EXOC7: variants seen among roughly 807,000 people sequenced by gnomAD.
EXOC7 encodes the protein exocyst complex component Exo70.
Under a neutral mutation model 87.6 loss-of-function variants are expected in EXOC7, and 51 were observed. The ratio of observed to expected loss-of-function variants is 0.58; its 90% CI spans 0.46 to 0.73. EXOC7 has a LOEUF of 0.73. EXOC7 is among the 30% of genes least tolerant of loss of function. The pLI, the probability that EXOC7 is intolerant of heterozygous loss-of-function variation, is 0.00. For synonymous variants in EXOC7, 327 were observed against 357.1 expected (o/e 0.92, Z 0.95); for missense variants, 744 against 888.4 (o/e 0.84, Z 2.07).
rs749143994 is a variant in EXOC7 at position 76,097,935 on chromosome 17, G to A, written c.501C>T (p.Pro167=). ...LMTRHSKVVS[P]VLILDLISGD... is the part of the protein sequence containing the mutation. ...CACTGATCAGATCCAAGATGAGCAC[G>A]GGCGAGACGACCTTACTGTGCCGCG... The change falls in exon 5 of 19, where the codon CCC becomes CCT. Residue 167 remains proline (P), a synonymous_variant. Transcript: ENST00000589210. 15 of 1,613,892 alleles carry A rather than the reference G, an allele frequency of 9.3e-6. No individual in the cohort carries two copies. The Middle Eastern group carries it at 4.9e-4, about 53-fold the overall frequency.
rs1323648758 is a variant in EXOC7 at position 76,087,190 on chromosome 17, C to T, written c.1429+464G>A. 7.1e-6 allele frequency: 3 copies of T among 422,990 alleles called. No homozygotes were observed. In the East Asian group the frequency reaches 1.5e-4, roughly 21 times the overall value. 26.2% of individuals were successfully genotyped at this position (422,990 alleles called of 1,614,324 possible). A position where few individuals can be genotyped will look rare whatever the true frequency, so the allele number is the denominator to read the frequency against. ...AGGGACCTCAGTGCTTGGAATGACCCAGAAAGGTGCTCTTGCTTACAGGCC... is the reference window on the plus strand; with the variant it reads ...AGGGACCTCAGTGCTTGGAATGACCTAGAAAGGTGCTCTTGCTTACAGGCC... On this transcript the variant is annotated intron_variant, in intron 12 of 18. Transcript: ENST00000589210.
intron 6 of EXOC7, 62 bp downstream of exon 6, chr17:76,094,352 A>G: frequency 6.5e-7 from 1 of 1,529,612 alleles, no homozygotes; most frequent in Non-Finnish European, 8.8e-7. Context: ...AGATTGGACT[A>G]AAGCAGTACA....
rs377387637 is a variant in EXOC7, at chr17:76,091,226, C to T, written c.818G>A (p.Arg273His). ...KKPVKRPGTI[R>H]KAQNLLKQYS... Reference sequence around the variant, plus strand: ...CTGTTTCAGAAGGTTCTGAGCCTTACGGATCGTCCCTGTCACCAGAGCCAC... The same window carrying T: ...CTGTTTCAGAAGGTTCTGAGCCTTATGGATCGTCCCTGTCACCAGAGCCAC... Residue 273 changes from arginine (R) to histidine (H), a missense_variant, in exon 7 of 19, where the codon CGT (arginine) becomes CAT (histidine). Physicochemically the swap from Arg to His is conservative, Grantham distance 29. This residue lies in a region of EXOC7 where 512 missense variants were observed against 573.0 expected (regional missense o/e 0.89). Transcript: ENST00000589210. The T allele has an allele frequency of 6.2e-6, 10 of 1,613,946 alleles. No homozygotes were observed. The highest frequency in any genetic ancestry group is 2.7e-5 in the African/African-American group (2 of 74,876).
At chr17:76,100,920 G>A (rs1199006384) in intron 4 of EXOC7, 5 of 160,370 alleles carry the variant, frequency 3.1e-5, no homozygotes, top group Non-Finnish European at 6.7e-5. Context: ...GGCAGAGGTT[G>A]CAGTGAGCTG....
intron 7 of EXOC7, chr17:76,090,608 C>G: frequency 1.2e-6 from 1 of 847,644 alleles, no homozygotes; most frequent in South Asian, 1.7e-5. Context: ...AGTGAGCACC[C>G]AGGACCGTCC....
intron 8 of EXOC7, 68 bp downstream of exon 8, chr17:76,089,107 G>C: frequency 6.3e-7 from 1 of 1,597,402 alleles, no homozygotes; most frequent in Non-Finnish European, 8.5e-7. Context: ...TGGAGTTGAG[G>C]GCTGCAAGAG....
intron 7 of EXOC7, chr17:76,090,622 G>C: frequency 1.3e-6 from 1 of 745,670 alleles, no homozygotes; most frequent in South Asian, 1.9e-5. Flanking sequence ...ACCGTCCTTA[G>C]CTGCTCATTT....
Position 76,086,106 on chromosome 17 carries a change from C to T in EXOC7, c.1469G>A (p.Ser490Asn). ...GATATAGGTGCTTAGCAGCCGCTTG[C>T]TGAACTCAGAGCTGTAGCTGGTGGC... ...SSATSYSSEF[S>N]KRLLSTYICK... The change falls in exon 13 of 19, where the codon AGC (serine) becomes AAC (asparagine). Residue 490 changes from serine (S) to asparagine (N), a missense_variant. By Grantham distance (46) the Ser-to-Asn change is conservative (BLOSUM62 1). Around this residue, in one of 3 missense-constraint regions of EXOC7, gnomAD observed 228 missense variants for 298.6 expected, o/e 0.76. Coordinates refer to ENST00000589210, the MANE Select transcript of EXOC7 (RefSeq NM_001013839.4). The T allele has an allele frequency of 6.2e-6, 10 of 1,613,892 alleles. No individual in the cohort carries two copies. The highest frequency in any genetic ancestry group is 8.5e-6 in the Non-Finnish European group (10 of 1,180,036).
chr17:76,090,262 A>G, intron 7 of EXOC7: 13 of 1,510,916 alleles, frequency 8.6e-6, no homozygotes, highest in Non-Finnish European at 1.2e-5. Context: ...AGGCAGGAGC[A>G]GGCCATCCGG....
chr17:76,084,966 G>A, intron 15 of EXOC7: 1 of 449,502 alleles, frequency 2.2e-6, no homozygotes, highest in Non-Finnish European at 4.0e-6. Flanking sequence ...GAAGCAGCGG[G>A]ATCCTCACAG....
At position 76,082,405 on chromosome 17, in the gene EXOC7, C is replaced by G; in HGVS notation, c.*1243G>C. 3 of 1,506,942 alleles carry G rather than the reference C, an allele frequency of 2.0e-6. No homozygotes were observed. The highest frequency in any genetic ancestry group is 2.7e-6 in the Non-Finnish European group (3 of 1,118,630). The allele number at this position is 1,506,942 out of a possible 1,614,324, so 93.3% of individuals were successfully genotyped here. A position where few individuals can be genotyped will look rare whatever the true frequency, so the allele number is the denominator to read the frequency against. Reference sequence around the variant, plus strand: ...CTGATGACCCCTGGGGTTCGCTCTTCCGCTCATGTTGAGGGGACCTTGAAG... The same window carrying G: ...CTGATGACCCCTGGGGTTCGCTCTTGCGCTCATGTTGAGGGGACCTTGAAG... On this transcript the variant is annotated 3_prime_UTR_variant, in exon 19 of 19. Transcript: ENST00000589210.
rs1375610792 is a variant in EXOC7, at chr17:76,090,708, G to C, written c.901+435C>G. On this transcript the variant is annotated intron_variant, in intron 7 of 18. Transcript: ENST00000589210. ...AAGAGCTGATGCTTGGCCCCAGGGG[G>C]GTTCCCCACCTCGCTGTATTTGGGG... The C allele has an allele frequency of 5.2e-6, 3 of 576,806 alleles. No individual in the cohort carries two copies. In the Admixed American group the frequency reaches 9.3e-5, roughly 18 times the overall value. The allele number at this position is 576,806 out of a possible 1,614,324, so 35.7% of individuals were successfully genotyped here.
chr17:76,084,636 G>A (rs756886950), intron 15 of EXOC7, 56 bp from the exon 16 acceptor site: 4 of 1,529,562 alleles, frequency 2.6e-6, no homozygotes, highest in East Asian at 4.5e-5. Flanking sequence ...CAGTGGCCTG[G>A]CTTGTTTCGT....
At chr17:76,089,048 G>T in intron 8 of EXOC7, 125 bp from the exon 9 acceptor site, 1 of 1,485,846 alleles carries the variant, frequency 6.7e-7, no homozygotes, top group South Asian at 1.2e-5. Context: ...GGGAGGTGGT[G>T]AGCGTCCACC....
At position 76,088,768 on chromosome 17, in the gene EXOC7, T is replaced by C. The variant is rs1330641049; in HGVS notation, c.1200+3A>G. 2 of 1,613,314 alleles carry C rather than the reference T, an allele frequency of 1.2e-6. No individual in the cohort carries two copies. Among genetic ancestry groups the C allele is most frequent in the South Asian group, 1.1e-5 (1 of 91,058 alleles). ...TGTTTTTGAGGGCCCCTCGCCCACA[T>C]ACCTGGAGCACCTGGTCAAACTCAG... On this transcript the variant is annotated splice_donor_region_variant and intron_variant, in intron 9 of 18. Transcript: ENST00000589210.
rs1007307651 is a variant in EXOC7, at chr17:76,100,980, A to C, written c.417+291T>G. On this transcript the variant is annotated intron_variant, in intron 4 of 18. Coordinates refer to ENST00000589210, the MANE Select transcript of EXOC7 (RefSeq NM_001013839.4). The stretch of plus-strand genomic sequence containing the variant: ...CAGAGCAAGACTCTGTCTCAGGAAA[A>C]AACAACAACAACAACAACAACAACA... 1.5e-4 allele frequency: 52 copies of C among 344,738 alleles called. No individual in the cohort carries two copies. In the Admixed American group the frequency reaches 2.2e-3, roughly 15 times the overall value. The allele number at this position is 344,738 out of a possible 1,614,324, so 21.4% of individuals were successfully genotyped here.
chr17:76,095,251 C>T (rs557547186), intron 5 of EXOC7, among the ~76,000 whole-genome samples: 5 of 151,880 alleles, frequency 3.3e-5, no homozygotes, highest in South Asian at 2.1e-4. Flanking sequence ...CATGAGCCAC[C>T]GCCCAGCCCT....
intron 7 of EXOC7, chr17:76,090,256 A>G (rs1228945376): frequency 1.3e-6 from 2 of 1,497,148 alleles, no homozygotes; most frequent in Non-Finnish European, 1.8e-6. Context: ...TGGGCCAGGC[A>G]GGAGCAGGCC....
At chr17:76,097,708 A>G in intron 5 of EXOC7, 88 bp downstream of exon 5, 1 of 431,358 alleles carries the variant, frequency 2.3e-6, no homozygotes, top group African/African-American at 2.2e-5. Flanking sequence ...CATCTCAAAA[A>G]AAAAAAAAAA....
Sources: gnomAD v4.1 joint callset for allele counts (sites outside exome capture counted in the v4.1 genomes callset) on GRCh38, gnomAD v4.1.1 for gene constraint, gnomAD v4.1.1 regional missense constraint, MANE v1.5 for transcripts, NCBI Gene and HGNC (gene_info 2026-07-23, HGNC 2026-07-21) for gene names.